The following CDH1 variants were observed in gnomAD, a reference collection of about 807,000 sequenced individuals.
The protein encoded by CDH1 is cadherin-1.
A neutral mutation model predicts 84.5 loss-of-function variants in CDH1; 35 were observed. The observed-to-expected ratio is 0.41, with a 90% CI of 0.32 to 0.55. The LOEUF is 0.55. Among genes scored for constraint, CDH1 ranks in the 20% least tolerant of loss-of-function variants. The probability of loss-of-function intolerance (pLI) is 0.19; values close to 1 mark genes in which losing one functional copy is unlikely to be tolerated. For missense variants in CDH1, 994 were observed against 1,126.6 expected (o/e 0.88, Z 1.68); for synonymous variants, 417 against 439.0 (o/e 0.95, Z 0.63).
At chr16:68,820,757 C>T (rs955317257) in intron 11 of CDH1, among the ~76,000 whole-genome samples, 2 of 152,120 alleles carry the variant, frequency 1.3e-5, no homozygotes, top group African/African-American at 4.8e-5. Flanking sequence ...TCCTTCCAGA[C>T]TGCTTCTGTG....
At chr16:68,810,882 T>C (rs2152131514) in intron 6 of CDH1, among the ~76,000 whole-genome samples, 1 of 151,750 alleles carries the variant, frequency 6.6e-6, no homozygotes, top group East Asian at 2.0e-4. Context: ...AAAAAAATTT[T>C]TTTTTCAGAG....
chr16:68,773,546 G>A (rs938896521), intron 2 of CDH1, among the ~76,000 whole-genome samples: 6 of 152,188 alleles, frequency 3.9e-5, no homozygotes, highest in Non-Finnish European at 7.3e-5. Context: ...TGATCTGCCC[G>A]CCCTGGCCTC....
At chr16:68,815,918 C>G (rs1194969464) in intron 10 of CDH1, among the ~76,000 whole-genome samples, 159 bp downstream of exon 10, 1 of 152,244 alleles carries the variant, frequency 6.6e-6, no homozygotes, top group Non-Finnish European at 1.5e-5. Flanking sequence ...GCTCCTTTCA[C>G]CTGTTCCCTT....
At chr16:68,747,491 G>A (rs1962775626) in intron 2 of CDH1, among the ~76,000 whole-genome samples, 3 of 152,138 alleles carry the variant, frequency 2.0e-5, no homozygotes, top group Non-Finnish European at 2.9e-5. Context: ...GAAAAAGCTT[G>A]TATATATGTC....
rs369525438 is a variant in CDH1, at chr16:68,823,575, T to C, written c.2113T>C (p.Leu705=). 1.9e-6 allele frequency: 3 copies of C among 1,613,900 alleles called. No individual in the cohort carries two copies. The highest frequency in any genetic ancestry group is 2.5e-6 in the Non-Finnish European group (3 of 1,180,014). The stretch of plus-strand genomic sequence containing the variant: ...GAAGGCACAGCCTGTCGAAGCAGGA[T>C]TGCAAATTCCTGCCATTCTGGGGAT... ...CRKAQPVEAG[L]QIPAILGILG... is the part of the protein sequence containing the mutation. The change falls in exon 13 of 16, where the codon TTG becomes CTG. Residue 705 remains leucine (L), a synonymous_variant. Coordinates refer to ENST00000261769, the MANE Select transcript of CDH1 (RefSeq NM_004360.5).
chr16:68,754,141 G>A (rs1451723851), intron 2 of CDH1, among the ~76,000 whole-genome samples: 3 of 150,926 alleles, frequency 2.0e-5, no homozygotes, highest in South Asian at 2.1e-4. Context: ...AAAATTATTC[G>A]GCAGGGCACA....
At chr16:68,759,302 A>G (rs757615216) in intron 2 of CDH1, among the ~76,000 whole-genome samples, 2 of 152,074 alleles carry the variant, frequency 1.3e-5, no homozygotes, top group Non-Finnish European at 2.9e-5. Flanking sequence ...GTTCAAGACC[A>G]GCCTGGGCAA....
intron 13 of CDH1, among the ~76,000 whole-genome samples, chr16:68,826,012 G>T (rs1961313725): frequency 6.6e-6 from 1 of 151,770 alleles, no homozygotes; most frequent in Admixed American, 6.6e-5. Flanking sequence ...TAGAAACAGT[G>T]TTTCCTTATG....
chr16:68,768,766 A>G (rs1404114132), intron 2 of CDH1, among the ~76,000 whole-genome samples: 4 of 152,176 alleles, frequency 2.6e-5, no homozygotes, highest in Admixed American at 2.0e-4. Flanking sequence ...ATTTTTGTAT[A>G]CATCCTCCTA....
At chr16:68,743,269 T>A (rs1374934005) in intron 2 of CDH1, among the ~76,000 whole-genome samples, 1 of 152,108 alleles carries the variant, frequency 6.6e-6, no homozygotes, top group Non-Finnish European at 1.5e-5. Flanking sequence ...CCCAATCCAA[T>A]CCTTGCTGGG....
chr16:68,813,000 A>G (rs1316491372), intron 8 of CDH1, among the ~76,000 whole-genome samples: 1 of 152,116 alleles, frequency 6.6e-6, no homozygotes, highest in Non-Finnish European at 1.5e-5. Context: ...AGATTGTACC[A>G]TTGCACCCCA....
chr16:68,795,962 G>A (rs1192432010), intron 2 of CDH1, among the ~76,000 whole-genome samples: 1 of 151,788 alleles, frequency 6.6e-6, no homozygotes, highest in African/African-American at 2.4e-5. Flanking sequence ...AGGAGTTCGA[G>A]GTTATCCTGG....
rs786203656 is a variant in CDH1 at position 68,815,744 on chromosome 16, T to C, written c.1550T>C (p.Met517Thr). The change falls in exon 10 of 16, where the codon ATG becomes ACG. Residue 517 changes from methionine (M) to threonine (T), a missense_variant. Around this residue, in one of 3 missense-constraint regions of CDH1, gnomAD observed 769 missense variants for 881.8 expected, o/e 0.87. Coordinates refer to ENST00000261769, the MANE Select transcript of CDH1 (RefSeq NM_004360.5). ...SYTAQEPDTFMEQKITYRIWR... is the reference protein window; with the variant it reads ...SYTAQEPDTFTEQKITYRIWR... ...ACTGCCCAGGAGCCAGACACATTTA[T>C]GGAACAGAAAATAACGTAAGTGTGA... is the stretch of plus-strand genomic sequence containing the variant. The C allele has an allele frequency of 1.9e-6, 3 of 1,614,286 alleles. No homozygotes were observed. The highest frequency in any genetic ancestry group is 2.5e-6 in the Non-Finnish European group (3 of 1,180,050).
At chr16:68,821,175 A>G (rs1961132498) in intron 11 of CDH1, among the ~76,000 whole-genome samples, 1 of 152,048 alleles carries the variant, frequency 6.6e-6, no homozygotes, top group Non-Finnish European at 1.5e-5. Context: ...AAGAAATGCA[A>G]ACAGAAGTGT....
rs1302952088 is a variant in CDH1, at chr16:68,834,977, A to C, written c.*1478A>C. 2 of 232,176 alleles carry C rather than the reference A, an allele frequency of 8.6e-6. No homozygotes were observed. Among genetic ancestry groups the C allele is most frequent in the East Asian group, 1.2e-4 (2 of 16,500 alleles). 14.4% of individuals were successfully genotyped at this position (232,176 alleles called of 1,614,324 possible). On this transcript the variant is annotated 3_prime_UTR_variant, in exon 16 of 16. Coordinates refer to ENST00000261769, the MANE Select transcript of CDH1 (RefSeq NM_004360.5). ...CTGGAAGGAATGGAGGAGTCTCAAC[A>C]TGTGTTTCTGACACAAGATCCGTGG... is the stretch of plus-strand genomic sequence containing the variant.
chr16:68,775,594 T>A (rs1959710428), intron 2 of CDH1, among the ~76,000 whole-genome samples: 1 of 152,218 alleles, frequency 6.6e-6, no homozygotes, highest in Non-Finnish European at 1.5e-5. Context: ...TAAAAGCATG[T>A]AGGTTTCATG....
intron 2 of CDH1, among the ~76,000 whole-genome samples, chr16:68,741,972 A>G (rs1482977033): frequency 1.3e-5 from 2 of 152,310 alleles, no homozygotes; most frequent in East Asian, 1.9e-4. Flanking sequence ...TGCCTGGCTA[A>G]TAACCCAGTC....
chr16:68,771,794 G>T (rs1261902040), intron 2 of CDH1, among the ~76,000 whole-genome samples: 2 of 151,122 alleles, frequency 1.3e-5, no homozygotes, highest in Non-Finnish European at 2.9e-5. Flanking sequence ...ATCTCACTAT[G>T]TTGCCCAGGC....
chr16:68,812,102 G>T (rs2152132427), intron 7 of CDH1, 33 bp from the exon 8 acceptor site: 1 of 1,613,834 alleles, frequency 6.2e-7, no homozygotes, highest in African/African-American at 1.3e-5. Context: ...TAGTGTTCCT[G>T]GTCCTGACTT....
Sources: gnomAD v4.1 joint callset for allele counts (sites outside exome capture counted in the v4.1 genomes callset) on GRCh38, gnomAD v4.1.1 for gene constraint, gnomAD v4.1.1 regional missense constraint, MANE v1.5 for transcripts, NCBI Gene and HGNC (gene_info 2026-07-23, HGNC 2026-07-21) for gene names.